Variants in CHIC2 observed in about 807,000 individuals in gnomAD.
CHIC2 encodes the protein cysteine rich hydrophobic domain 2, also known as cysteine-rich hydrophobic domain-containing protein 2.
Under a neutral mutation model 25.9 loss-of-function variants are expected in CHIC2, and 14 were observed. That is an observed-to-expected ratio of 0.54 (90% CI 0.36 to 0.85). The LOEUF (loss-of-function observed/expected upper bound fraction) is 0.85. Ranked by LOEUF, CHIC2 falls within the 40% of genes least tolerant of loss-of-function variation. The pLI, the probability that CHIC2 is intolerant of heterozygous loss-of-function variation, is 0.01. For synonymous variants in CHIC2, 70 were observed against 72.0 expected (o/e 0.97, Z 0.14); for missense variants, 146 against 202.0 (o/e 0.72, Z 1.68).
intron 3 of CHIC2, among the ~76,000 whole-genome samples, chr4:54,039,382 A>T (rs866695472): frequency 1.3e-5 from 2 of 152,358 alleles, no homozygotes; most frequent in Middle Eastern, 6.8e-3. Context: ...ACTCAACAAG[A>T]AATAACAATT....
At chr4:54,078,780 G>T in the CHIC2 span, among the ~76,000 whole-genome samples, 2 of 152,072 alleles carry the variant, frequency 1.3e-5, 1 homozygote, top group South Asian at 4.2e-4. Flanking sequence ...CTCCCAAAGT[G>T]CTGGGATTAC....
At chr4:54,021,565 C>T (rs573284007) in intron 3 of CHIC2, among the ~76,000 whole-genome samples, 30 of 152,158 alleles carry the variant, frequency 2.0e-4, no homozygotes, top group East Asian at 1.2e-3. Flanking sequence ...TTTCATTCCG[C>T]GACTAGCCCT....
rs892021610 is a variant in CHIC2 at position 54,064,354 on chromosome 4, G to T, written c.-54C>A. 13 of 1,606,478 alleles carry T rather than the reference G, an allele frequency of 8.1e-6. No individual in the cohort carries two copies. The Admixed American group carries it at 1.2e-4, about 15-fold the overall frequency. ...GGGCCTGACTCCCGGGGTTGGCGCC[G>T]GGGTACCGGCGGGCGAGGCGGCGGA... On this transcript the variant is annotated 5_prime_UTR_variant, in exon 1 of 6. Transcript: ENST00000263921. This position sits in a 1 kb window ranked among gnomAD's most constrained non-coding sequence, Gnocchi z 4.2.
At chr4:54,060,165 TAA>T (rs1325668415) in intron 1 of CHIC2, 1 of 152,046 alleles carries the variant, frequency 6.6e-6, no homozygotes, top group Non-Finnish European at 1.5e-5. Context: ...CAATAAACAC[TAA>T]GGTGTTCTTG....
upstream of CHIC2, among the ~76,000 whole-genome samples, chr4:54,067,675 A>G (rs1717543775): frequency 6.6e-6 from 1 of 152,116 alleles, no homozygotes; most frequent in African/African-American, 2.4e-5. Context: ...CTTTAGACCA[A>G]ATGGCTCAAA....
intron 3 of CHIC2, among the ~76,000 whole-genome samples, chr4:54,024,701 C>T (rs1239404425): frequency 3.9e-5 from 6 of 152,140 alleles, no homozygotes; most frequent in East Asian, 1.9e-4. Context: ...CCCAAAAATT[C>T]GCCAACCAAG....
the CHIC2 span, among the ~76,000 whole-genome samples, chr4:54,081,014 A>G: frequency 6.8e-6 from 1 of 146,382 alleles, no homozygotes; most frequent in Non-Finnish European, 1.5e-5. Flanking sequence ...CCTTAAATAT[A>G]TACAATTTTT....
At chr4:54,082,658 A>G in the CHIC2 span, among the ~76,000 whole-genome samples, 2 of 152,176 alleles carry the variant, frequency 1.3e-5, no homozygotes, top group African/African-American at 2.4e-5. Context: ...ATCCAATCCC[A>G]TATTTACACC....
At chr4:54,089,765 G>A in the CHIC2 span, among the ~76,000 whole-genome samples, 30 of 152,122 alleles carry the variant, frequency 2.0e-4, no homozygotes, top group Admixed American at 6.5e-5. Flanking sequence ...TAACATTGGT[G>A]GAAGAAAAGA....
the CHIC2 span, among the ~76,000 whole-genome samples, chr4:54,075,217 G>A: frequency 1.3e-5 from 2 of 152,210 alleles, no homozygotes; most frequent in South Asian, 2.1e-4. Flanking sequence ...CACATAAAGA[G>A]ATACCTGAAT....
At chr4:54,054,684 C>G (rs908269043) in intron 1 of CHIC2, among the ~76,000 whole-genome samples, 4 of 152,192 alleles carry the variant, frequency 2.6e-5, no homozygotes, top group African/African-American at 9.7e-5. Context: ...GCTTTAAGAA[C>G]AGCTAATCCC....
intron 3 of CHIC2, 60 bp from the exon 4 acceptor site, chr4:54,014,179 A>G (rs1715674677): frequency 6.8e-7 from 1 of 1,474,370 alleles, no homozygotes; most frequent in Admixed American, 1.7e-5. Flanking sequence ...TTTGTTTTGC[A>G]GCTGCTTTTT....
the CHIC2 span, among the ~76,000 whole-genome samples, chr4:54,070,505 C>T: frequency 6.6e-6 from 1 of 152,122 alleles, no homozygotes; most frequent in Non-Finnish European, 1.5e-5. Context: ...TCACTACAAC[C>T]TCCACCTCCC....
chr4:54,037,532 G>A (rs1362131894), intron 3 of CHIC2, among the ~76,000 whole-genome samples: 1 of 152,058 alleles, frequency 6.6e-6, no homozygotes, highest in Non-Finnish European at 1.5e-5. Context: ...GCACACAAGT[G>A]TATCAAAACT....
intron 3 of CHIC2, among the ~76,000 whole-genome samples, chr4:54,023,414 T>G (rs1715963422): frequency 6.6e-6 from 1 of 152,170 alleles, no homozygotes; most frequent in Non-Finnish European, 1.5e-5. Flanking sequence ...ATGCATATAC[T>G]TTCTGCTCCC....
the CHIC2 span, among the ~76,000 whole-genome samples, chr4:54,072,772 A>C: frequency 2.0e-5 from 3 of 152,100 alleles, no homozygotes; most frequent in South Asian, 6.2e-4. Flanking sequence ...TGGTCCTTCA[A>C]ATATGTTAAG....
At chr4:54,072,343 T>C in the CHIC2 span, among the ~76,000 whole-genome samples, 1 of 151,458 alleles carries the variant, frequency 6.6e-6, no homozygotes, top group Non-Finnish European at 1.5e-5. Context: ...ACCATAAATA[T>C]AAAATACTTA....
At chr4:54,041,580 G>A (rs1472223493) in intron 3 of CHIC2, among the ~76,000 whole-genome samples, 1 of 151,846 alleles carries the variant, frequency 6.6e-6, no homozygotes, top group Admixed American at 6.6e-5. Flanking sequence ...TTATTATCAT[G>A]GATTTGTTGC....
At chr4:54,072,946 C>T in the CHIC2 span, among the ~76,000 whole-genome samples, 1 of 152,096 alleles carries the variant, frequency 6.6e-6, no homozygotes, top group Non-Finnish European at 1.5e-5. Context: ...GTGGCGGGCG[C>T]CTATAGTCCT....
Sources: allele counts gnomAD v4.1 joint callset (sites outside exome capture counted in the v4.1 genomes callset), GRCh38; gene constraint gnomAD v4.1.1; non-coding constraint Gnocchi (gnomAD v3.1); transcripts MANE v1.5; gene names NCBI Gene and HGNC (gene_info 2026-07-23, HGNC 2026-07-21).